The following CRYBG1 variants were observed in gnomAD, a reference collection of about 807,000 sequenced individuals.
CRYBG1 encodes the protein beta/gamma crystallin domain-containing protein 1.
Under a neutral mutation model 189.2 loss-of-function variants are expected in CRYBG1, and 139 were observed. The observed-to-expected ratio is 0.73, with a 90% CI of 0.64 to 0.85. The LOEUF (loss-of-function observed/expected upper bound fraction) is 0.85. CRYBG1 is among the 40% of genes least tolerant of loss of function. CRYBG1 has a pLI of 0.00. For missense variants in CRYBG1, 2,611 were observed against 2,675.8 expected, an observed-to-expected ratio of 0.98 and a Z score of 0.53; for synonymous variants, 1,023 against 1,017.1, an observed-to-expected ratio of 1.01 and a Z score of -0.11.
At position 106,521,097 on chromosome 6, in the gene CRYBG1, A is replaced by C; in HGVS notation, c.3889A>C (p.Asn1297His). 6.2e-7 allele frequency: 1 copy of C among 1,614,134 alleles called. No homozygotes were observed. Among genetic ancestry groups the C allele is most frequent in the African/African-American group, 1.3e-5 (1 of 75,022 alleles). ...TTEGAPPCGLNKEQSNLLPDN... is the reference protein window; with the variant it reads ...TTEGAPPCGLHKEQSNLLPDN... ...TGAGGGTGCCCCGCCCTGTGGTTTGAACAAAGAACAGTCAAATCTTCTGCC... is the reference window on the plus strand; with the variant it reads ...TGAGGGTGCCCCGCCCTGTGGTTTGCACAAAGAACAGTCAAATCTTCTGCC... Residue 1297 changes from asparagine (N) to histidine (H), a missense_variant, in exon 4 of 22, where the codon AAC becomes CAC. By Grantham distance (68) the Asn-to-His change is moderately conservative. Around this residue, in one of 3 missense-constraint regions of CRYBG1, gnomAD observed 1,622 missense variants for 1,735.0 expected, o/e 0.93. Transcript: ENST00000633556.
rs148271335 is a variant in CRYBG1, at chr6:106,488,047, T to G, written c.313-23383T>G. Among the ~76,000 whole-genome samples, 16 of 152,262 alleles carry G rather than the reference T, an allele frequency of 1.1e-4. No homozygotes were observed. In the East Asian group the frequency reaches 3.1e-3, roughly 29 times the overall value. ...TTCTGGGTGAGTAGACTCAGTAGTGTGGTCTTCATAAAGATTCTTCAGCTG... is the reference window on the plus strand; with the variant it reads ...TTCTGGGTGAGTAGACTCAGTAGTGGGGTCTTCATAAAGATTCTTCAGCTG... On this transcript the variant is annotated intron_variant, in intron 2 of 21. Coordinates refer to ENST00000633556, the MANE Select transcript of CRYBG1 (RefSeq NM_001371242.2).
rs1773255695 is a variant in CRYBG1 at position 106,511,511 on chromosome 6, A to G, written c.394A>G (p.Arg132Gly). ...LGTLFTAGRR[R>G]NSRNGLESPT... ...CACTCTATTCACTGCAGGAAGGAGAAGAAACAGTAGAAACGGGTTAGAGAG... is the reference window on the plus strand; with the variant it reads ...CACTCTATTCACTGCAGGAAGGAGAGGAAACAGTAGAAACGGGTTAGAGAG... The change falls in exon 3 of 22, where the codon AGA (arginine) becomes GGA (glycine). Residue 132 changes from arginine to glycine, a missense_variant. Transcript: ENST00000633556. The G allele has an allele frequency of 1.3e-6, 2 of 1,535,534 alleles. No individual in the cohort carries two copies. The highest frequency in any genetic ancestry group is 2.0e-5 in the Admixed American group (1 of 50,976).
chr6:106,381,781 T>A (rs891677694), intron 1 of CRYBG1, among the ~76,000 whole-genome samples: 1 of 152,206 alleles, frequency 6.6e-6, no homozygotes, highest in African/African-American at 2.4e-5. Context: ...CTCTGGTACT[T>A]TCTGCTTTGG....
intron 7 of CRYBG1, among the ~76,000 whole-genome samples, chr6:106,528,602 C>A (rs1227115284): frequency 6.6e-6 from 1 of 152,174 alleles, no homozygotes. Flanking sequence ...ATCACACTCC[C>A]CTTGGTAACA....
At chr6:106,557,266 A>G (rs1774570536) in intron 17 of CRYBG1, among the ~76,000 whole-genome samples, 1 of 152,196 alleles carries the variant, frequency 6.6e-6, no homozygotes, top group Non-Finnish European at 1.5e-5. Flanking sequence ...CTACTTCTAC[A>G]CACTAACATG....
intron 2 of CRYBG1, among the ~76,000 whole-genome samples, chr6:106,495,559 T>A (rs568503565): frequency 6.0e-5 from 9 of 150,362 alleles, no homozygotes; most frequent in Non-Finnish European, 7.4e-5. Context: ...TCTGAAGCAT[T>A]TGTGAATATA....
At chr6:106,478,221 C>A (rs1419527266) in intron 2 of CRYBG1, among the ~76,000 whole-genome samples, 1 of 152,152 alleles carries the variant, frequency 6.6e-6, no homozygotes, top group Non-Finnish European at 1.5e-5. Flanking sequence ...TGAGGGTGCA[C>A]AAAAATTAAA....
chr6:106,401,652 C>A (rs28552076), intron 1 of CRYBG1, among the ~76,000 whole-genome samples: 1 of 111,552 alleles, frequency 9.0e-6, no homozygotes, highest in Admixed American at 9.9e-5. Context: ...TGAGAATATG[C>A]GGTGTTTGGT....
chr6:106,531,709 G>C (rs1250619758), intron 8 of CRYBG1, among the ~76,000 whole-genome samples: 1 of 152,142 alleles, frequency 6.6e-6, no homozygotes, highest in Non-Finnish European at 1.5e-5. Context: ...AAAGTTCACA[G>C]AAGGTAAATG....
chr6:106,508,838 C>T (rs971977412), intron 2 of CRYBG1, among the ~76,000 whole-genome samples: 2 of 152,010 alleles, frequency 1.3e-5, no homozygotes, highest in South Asian at 2.1e-4. Flanking sequence ...ACAGGCTGCC[C>T]CTCTGAGGGG....
chr6:106,530,322 AT>A lies in CRYBG1; in HGVS notation c.4718+16del, dbSNP rs746875283. The A allele has an allele frequency of 1.1e-4, 167 of 1,575,298 alleles. No individual in the cohort carries two copies. The highest frequency in any genetic ancestry group is 2.9e-4 in the South Asian group (25 of 87,006). ...TGAAAGTACATTGGGGCACGTAAGT[AT>A]TTTTTTTTCAAACAAATTTTAATGA... On this transcript the variant is annotated splice_region_variant and intron_variant, in intron 8 of 21. Coordinates refer to ENST00000633556, the MANE Select transcript of CRYBG1 (RefSeq NM_001371242.2).
At chr6:106,430,587 TAC>T (rs1260282997) in intron 1 of CRYBG1, among the ~76,000 whole-genome samples, 1 of 152,198 alleles carries the variant, frequency 6.6e-6, no homozygotes, top group Non-Finnish European at 1.5e-5. Context: ...ACATGGCTCC[TAC>T]AGTCACATGC....
intron 2 of CRYBG1, among the ~76,000 whole-genome samples, chr6:106,488,816 G>A (rs1772650939): frequency 6.6e-6 from 1 of 152,160 alleles, no homozygotes; most frequent in Non-Finnish European, 1.5e-5. Context: ...GGTATTGTAG[G>A]CACCTGTGGG....
At chr6:106,506,805 C>T (rs975490028) in intron 2 of CRYBG1, among the ~76,000 whole-genome samples, 1 of 151,992 alleles carries the variant, frequency 6.6e-6, no homozygotes, top group Non-Finnish European at 1.5e-5. Context: ...ATGTCAATGA[C>T]CCATAATTGT....
In CRYBG1 at chr6:106,424,757, C is replaced by T. The variant is rs533385173; in HGVS notation, c.174-26937C>T. On this transcript the variant is annotated intron_variant, in intron 1 of 21. Coordinates refer to ENST00000633556, the MANE Select transcript of CRYBG1 (RefSeq NM_001371242.2). Reference sequence around the variant, plus strand: ...GATTACAGGCATGAGCCAATGTTCCCGGCCTACCCACCTCCTCTTAAGAGA... The same window carrying T: ...GATTACAGGCATGAGCCAATGTTCCTGGCCTACCCACCTCCTCTTAAGAGA... 8.3e-4 allele frequency among the ~76,000 whole-genome samples: 127 copies of T among 152,258 alleles called. 5 individuals are homozygous for T. In the South Asian group the frequency reaches 0.026, roughly 31 times the overall value.
chr6:106,410,896 A>G (rs1396968610), intron 1 of CRYBG1, among the ~76,000 whole-genome samples: 1 of 152,148 alleles, frequency 6.6e-6, no homozygotes, highest in Non-Finnish European at 1.5e-5. Context: ...CATTAGGAGA[A>G]ATACCTAATG....
chr6:106,520,781 T>G lies in CRYBG1; in HGVS notation c.3573T>G (p.Arg1191=). Residue 1191 remains arginine (R), a synonymous_variant, in exon 4 of 22, where the codon CGT becomes CGG. Coordinates refer to ENST00000633556, the MANE Select transcript of CRYBG1 (RefSeq NM_001371242.2). The part of the protein sequence containing the change: ...LDTKSKLRPK[R]ASAEQSVLFK... ...CAAAATCCAAACTGAGACCCAAACG[T>G]GCATCTGCTGAACAGAGCGTCCTCT... The G allele has an allele frequency of 6.2e-7, 1 of 1,614,182 alleles. No individual in the cohort carries two copies. The highest frequency in any genetic ancestry group is 8.5e-7 in the Non-Finnish European group (1 of 1,180,034).
intron 2 of CRYBG1, among the ~76,000 whole-genome samples, chr6:106,466,145 A>G (rs1308073077): frequency 2.0e-5 from 3 of 152,186 alleles, no homozygotes; most frequent in African/African-American, 7.2e-5. Context: ...TTAAAAAAGG[A>G]TATTTGAAAT....
intron 1 of CRYBG1, among the ~76,000 whole-genome samples, chr6:106,392,729 G>A (rs989057281): frequency 4.6e-5 from 7 of 152,126 alleles, no homozygotes; most frequent in East Asian, 3.8e-4. Context: ...AAGGACAGCC[G>A]TGCTAAGAAC....
Sources: gnomAD v4.1 joint callset for allele counts (sites outside exome capture counted in the v4.1 genomes callset) on GRCh38, gnomAD v4.1.1 for gene constraint, gnomAD v4.1.1 regional missense constraint, MANE v1.5 for transcripts, NCBI Gene and HGNC (gene_info 2026-07-23, HGNC 2026-07-21) for gene names.